Variants in MLLT10 observed in about 807,000 individuals in gnomAD.
MLLT10 encodes the protein protein AF-10.
In MLLT10, 30 loss-of-function variants were observed where a neutral mutation model predicts 129.1. The observed-to-expected ratio is 0.23, with a 90% confidence interval of 0.17 to 0.32. The LOEUF (loss-of-function observed/expected upper bound fraction) is 0.32. MLLT10 is among the 10% of genes least tolerant of loss of function. MLLT10 has a pLI of 1.00. For synonymous variants in MLLT10, 490 were observed against 446.4 expected (o/e 1.10, Z -1.23); for missense variants, 1,119 against 1,268.3 (o/e 0.88, Z 1.79).
At chr10:21,733,625 G>T in intron 19 of MLLT10, 33 bp downstream of exon 19, 2 of 1,482,304 alleles carry the variant, frequency 1.3e-6, no homozygotes, top group Non-Finnish European at 1.8e-6. Context: ...CATCTATGTT[G>T]ATTTACTTGT....
intron 5 of MLLT10, among the ~76,000 whole-genome samples, chr10:21,600,707 A>G (rs906282676): frequency 6.6e-6 from 1 of 152,198 alleles, no homozygotes; most frequent in African/African-American, 2.4e-5. Context: ...TTTGAAAAGC[A>G]AAATCTTGCA....
At chr10:21,567,039 C>G (rs971664679) in intron 3 of MLLT10, among the ~76,000 whole-genome samples, 2 of 152,058 alleles carry the variant, frequency 1.3e-5, no homozygotes, top group Admixed American at 6.5e-5. Context: ...TCTCGAACTT[C>G]CGACTTGAGG....
intron 3 of MLLT10, among the ~76,000 whole-genome samples, chr10:21,583,450 A>G (rs1382002943): frequency 6.6e-6 from 1 of 152,194 alleles, no homozygotes. Context: ...TGAAATACTG[A>G]AAGGCAAGAA....
Position 21,726,242 on chromosome 10 carries a change from A to G in MLLT10, c.1879-2A>G. 1 of 1,575,218 alleles carries G rather than the reference A, an allele frequency of 6.3e-7. No individual in the cohort carries two copies. Among genetic ancestry groups the G allele is most frequent in the Non-Finnish European group, 8.7e-7 (1 of 1,153,810 alleles). On this transcript the variant is annotated splice_acceptor_variant, in intron 14 of 22. Coordinates refer to ENST00000307729, the MANE Select transcript of MLLT10 (RefSeq NM_001195626.3). LOFTEE classifies it high-confidence loss of function. Reference sequence around the variant, plus strand: ...TTTATCATTGTAATTTTTTCCATTTAGGCAAATACTCTATCTGGATCTTCT... The same window carrying G: ...TTTATCATTGTAATTTTTTCCATTTGGGCAAATACTCTATCTGGATCTTCT...
chr10:21,682,338 C>T (rs2052825114), intron 13 of MLLT10, 81 bp downstream of exon 13: 6 of 1,317,086 alleles, frequency 4.6e-6, no homozygotes, highest in Non-Finnish European at 5.4e-6. Flanking sequence ...TGAAAGCTAG[C>T]ATGTTCTATT....
chr10:21,583,619 G>A (rs1397123851), intron 3 of MLLT10, among the ~76,000 whole-genome samples: 2 of 152,104 alleles, frequency 1.3e-5, no homozygotes, highest in Non-Finnish European at 2.9e-5. Context: ...ATGGGGCAGT[G>A]GGAATGGGGA....
chr10:21,670,669 G>T lies in MLLT10; in HGVS notation c.1016G>T (p.Gly339Val), dbSNP rs141956655. Residue 339 changes from glycine to valine, a missense_variant, in exon 10 of 23, where the codon GGA becomes GTA. Physicochemically the swap from Gly to Val is moderately radical, Grantham distance 109 (BLOSUM62 -3). Transcript: ENST00000307729. ...AAGCCTGGTGGTGGAAGAAATCCAG[G>T]AACAACTGTGTCAGCAGCTAGCCCT... ...GRKPGGGRNP[G>V]TTVSAASPFP... The T allele has an allele frequency of 7.4e-5, 119 of 1,613,962 alleles. No homozygotes were observed. The highest frequency in any genetic ancestry group is 9.2e-5 in the Non-Finnish European group (109 of 1,180,020).
chr10:21,551,221 G>A (rs1275476633), intron 3 of MLLT10, among the ~76,000 whole-genome samples: 4 of 150,802 alleles, frequency 2.7e-5, no homozygotes, highest in Non-Finnish European at 4.4e-5. Flanking sequence ...CACCGTGCCC[G>A]GCCAACTTAT....
intron 3 of MLLT10, among the ~76,000 whole-genome samples, chr10:21,547,925 G>T (rs1241408558): frequency 6.6e-6 from 1 of 151,996 alleles, no homozygotes; most frequent in Non-Finnish European, 1.5e-5. Flanking sequence ...GTTCAATCTA[G>T]CCTTTTATTT....
intron 3 of MLLT10, chr10:21,551,718 C>T (rs2037061477): frequency 5.6e-6 from 2 of 354,134 alleles, no homozygotes; most frequent in Admixed American, 8.2e-5. Flanking sequence ...AATTGCCTAG[C>T]ATATGGTATC....
In MLLT10 at chr10:21,742,631, C is replaced by CT. The variant is rs1833822638; in HGVS notation, c.*651dup. 4.5e-6 allele frequency: 1 copy of CT among 221,878 alleles called. No individual in the cohort carries two copies. The highest frequency in any genetic ancestry group is 9.0e-6 in the Non-Finnish European group (1 of 111,056). The allele number at this position is 221,878 out of a possible 1,614,324, so 13.7% of individuals were successfully genotyped here. ...GTAATTTTCTTTTGAGAATTGCTTTCTTTAGTGTTAAGACCTACTCATATT... is the reference window on the plus strand; with the variant it reads ...GTAATTTTCTTTTGAGAATTGCTTTCTTTTAGTGTTAAGACCTACTCATATT... On this transcript the variant is annotated 3_prime_UTR_variant, in exon 23 of 23. Transcript: ENST00000307729.
chr10:21,611,134 T>TTACA, intron 5 of MLLT10, among the ~76,000 whole-genome samples: 1 of 151,372 alleles, frequency 6.6e-6, no homozygotes, highest in South Asian at 2.1e-4. Flanking sequence ...GTAGCTGGGA[T>TTACA]TACAGGCATC....
chr10:21,689,565 GTATATATATATATATATATATA>G (rs71393919), intron 13 of MLLT10, among the ~76,000 whole-genome samples: 1 of 113,468 alleles, frequency 8.8e-6, no homozygotes, highest in Admixed American at 9.2e-5. Flanking sequence ...ATATATATAT[GTATATATATATATATATATATA>G]TAGCGTGTGT....
At chr10:21,610,984 C>CTTTTTTT (rs71393913) in intron 5 of MLLT10, among the ~76,000 whole-genome samples, 1 of 102,886 alleles carries the variant, frequency 9.7e-6, no homozygotes, top group Non-Finnish European at 1.9e-5. Flanking sequence ...TCTTTTTTCT[C>CTTTTTTT]TTTTTTTTTT....
chr10:21,648,384 G>A (rs919767269), intron 8 of MLLT10, among the ~76,000 whole-genome samples: 3 of 151,974 alleles, frequency 2.0e-5, no homozygotes, highest in Non-Finnish European at 2.9e-5. Context: ...TCTCTATATT[G>A]TATGTTTTCA....
At chr10:21,584,809 T>TATATACACATACATATGTATGTATAC (rs1435311097) in intron 3 of MLLT10, among the ~76,000 whole-genome samples, 26 of 151,878 alleles carry the variant, frequency 1.7e-4, no homozygotes, top group Admixed American at 6.6e-4. Context: ...TGTGTGTGTT[T>TATATACACATACATATGTATGTATAC]ATATACACAT....
At chr10:21,570,459 G>C (rs975738872) in intron 3 of MLLT10, among the ~76,000 whole-genome samples, 5 of 152,090 alleles carry the variant, frequency 3.3e-5, no homozygotes, top group African/African-American at 1.2e-4. Flanking sequence ...ATATGTGAAA[G>C]TTGTTGGCCA....
chr10:21,679,500 G>A (rs2052526847), intron 11 of MLLT10, among the ~76,000 whole-genome samples: 1 of 152,260 alleles, frequency 6.6e-6, no homozygotes, highest in South Asian at 2.1e-4. Context: ...ATTTATGCTG[G>A]AGGTTGCGCT....
At chr10:21,592,557 C>T (rs2042612458) in intron 4 of MLLT10, among the ~76,000 whole-genome samples, 2 of 151,934 alleles carry the variant, frequency 1.3e-5, no homozygotes, top group Admixed American at 1.3e-4. Context: ...CCGGGGTTCA[C>T]GCCATTCTCC....
Sources: gnomAD v4.1 joint callset for allele counts (sites outside exome capture counted in the v4.1 genomes callset) on GRCh38, gnomAD v4.1.1 for gene constraint, MANE v1.5 for transcripts, NCBI Gene and HGNC (gene_info 2026-07-23, HGNC 2026-07-21) for gene names.